The following MDFIC2 variants were observed in gnomAD, a reference collection of about 807,000 sequenced individuals.
The protein encoded by MDFIC2 is myoD family inhibitor domain-containing protein 2.
At chr3:70,217,504 G>T (rs1701426669) in intron 2 of MDFIC2, among the ~76,000 whole-genome samples, 1 of 152,092 alleles carries the variant, frequency 6.6e-6, no homozygotes, top group Admixed American at 6.6e-5. Flanking sequence ...TCTATGCTCT[G>T]AGCTTTCTAG....
At chr3:70,235,635 T>C (rs1220601722) in intron 2 of MDFIC2, among the ~76,000 whole-genome samples, 1 of 152,142 alleles carries the variant, frequency 6.6e-6, no homozygotes, top group Non-Finnish European at 1.5e-5. Flanking sequence ...CTTTTAGAGG[T>C]TTCTCTATGA....
At chr3:70,287,927 C>A (rs1407187053) in intron 2 of MDFIC2, among the ~76,000 whole-genome samples, 1 of 152,014 alleles carries the variant, frequency 6.6e-6, no homozygotes, top group East Asian at 1.9e-4. Context: ...TTTTTTATTG[C>A]GTCTATTTGA....
intron 2 of MDFIC2, among the ~76,000 whole-genome samples, chr3:70,287,959 A>G (rs1227765100): frequency 6.6e-6 from 1 of 151,250 alleles, no homozygotes; most frequent in Admixed American, 6.6e-5. Flanking sequence ...TTTTTTCTTT[A>G]TTAGTCTTGC....
At chr3:70,240,597 C>G (rs1425488127) in intron 2 of MDFIC2, among the ~76,000 whole-genome samples, 1 of 152,062 alleles carries the variant, frequency 6.6e-6, no homozygotes, top group Admixed American at 6.6e-5. Context: ...AATAATAGCT[C>G]TAAGAAAGTG....
intron 2 of MDFIC2, among the ~76,000 whole-genome samples, chr3:70,284,709 C>A (rs995521288): frequency 6.6e-6 from 1 of 152,060 alleles, no homozygotes; most frequent in Non-Finnish European, 1.5e-5. Flanking sequence ...AACACATGGC[C>A]ACAGGGAGGG....
At chr3:70,290,877 T>C (rs540845193) in intron 2 of MDFIC2, among the ~76,000 whole-genome samples, 131 of 152,310 alleles carry the variant, frequency 8.6e-4, no homozygotes, top group African/African-American at 3.1e-3. Flanking sequence ...CGCTGACCCC[T>C]TGCGCTTCCC....
intron 2 of MDFIC2, among the ~76,000 whole-genome samples, chr3:70,275,609 C>T (rs78574049): frequency 6.6e-6 from 1 of 152,190 alleles, no homozygotes; most frequent in Admixed American, 6.5e-5. Flanking sequence ...CCTTGCCACT[C>T]ATTAGCTCTG....
At position 70,202,907 on chromosome 3, in the gene MDFIC2, G is replaced by A. The variant is rs1391757308; in HGVS notation, c.310+3662C>T. On this transcript the variant is annotated intron_variant, in intron 3 of 3. Transcript: ENST00000567252. ...AGAGTGGAAAAGGTGGCAATCCAAG[G>A]AGGTTCCACAAGTGTGTTTGAGGGG... Among the ~76,000 whole-genome samples the A allele has an allele frequency of 1.3e-5, 2 of 152,100 alleles. 1 individual carries two copies. The highest frequency in any genetic ancestry group is 1.3e-4 in the Admixed American group (2 of 15,276).
At chr3:70,223,890 C>T (rs1271545469) in intron 2 of MDFIC2, among the ~76,000 whole-genome samples, 1 of 152,110 alleles carries the variant, frequency 6.6e-6, no homozygotes, top group African/African-American at 2.4e-5. Context: ...CTTTCTCTTA[C>T]TCTGCTTCAT....
chr3:70,264,941 T>A (rs1216622947), intron 2 of MDFIC2, among the ~76,000 whole-genome samples: 1 of 152,136 alleles, frequency 6.6e-6, no homozygotes, highest in Non-Finnish European at 1.5e-5. Context: ...TGCCTCACAA[T>A]CATGGTGGAA....
At chr3:70,290,153 C>A (rs1702217614) in intron 2 of MDFIC2, among the ~76,000 whole-genome samples, 1 of 151,960 alleles carries the variant, frequency 6.6e-6, no homozygotes. Flanking sequence ...TTAGAGTTTC[C>A]AGTTTTTCTG....
intron 2 of MDFIC2, among the ~76,000 whole-genome samples, chr3:70,310,444 C>A (rs777167522): frequency 6.6e-6 from 1 of 151,864 alleles, no homozygotes; most frequent in Non-Finnish European, 1.5e-5. Flanking sequence ...CGGCTCACTG[C>A]AACCTCTGCC....
intron 2 of MDFIC2, among the ~76,000 whole-genome samples, chr3:70,257,413 G>A (rs1701827537): frequency 6.6e-6 from 1 of 152,116 alleles, no homozygotes; most frequent in Non-Finnish European, 1.5e-5. Context: ...TTCATGGCAG[G>A]AGAGAATGTG....
At position 70,195,803 on chromosome 3, in the gene MDFIC2, C is replaced by T. The variant is rs1701170833; in HGVS notation, c.*1123G>A. On this transcript the variant is annotated 3_prime_UTR_variant, in exon 4 of 4. Coordinates refer to ENST00000567252, the MANE Select transcript of MDFIC2 (RefSeq NM_001364677.1). ...AATTGTTTCTACAGAAAGTAAAGAA[C>T]ATTCCAAAGTAACTTTAACCTAGAT... 6.6e-6 allele frequency among the ~76,000 whole-genome samples: 1 copy of T among 152,164 alleles called. No homozygotes were observed. The highest frequency in any genetic ancestry group is 1.5e-5 in the Non-Finnish European group (1 of 68,022).
chr3:70,220,356 A>G (rs757304694), intron 2 of MDFIC2, among the ~76,000 whole-genome samples: 2 of 152,074 alleles, frequency 1.3e-5, no homozygotes, highest in Non-Finnish European at 2.9e-5. Flanking sequence ...ACTTGGCTCC[A>G]GGAGTTTGAA....
chr3:70,270,537 A>G (rs1701966390), intron 2 of MDFIC2, among the ~76,000 whole-genome samples: 1 of 152,204 alleles, frequency 6.6e-6, no homozygotes, highest in Admixed American at 6.5e-5. Context: ...GTATGTATAT[A>G]CATGGCTGCT....
chr3:70,311,950 C>T lies in MDFIC2; in HGVS notation c.24G>A (p.Lys8=), dbSNP rs1349924364. The T allele has an allele frequency of 2.5e-6, 1 of 397,694 alleles. No homozygotes were observed. Among genetic ancestry groups the T allele is most frequent in the Non-Finnish European group, 4.4e-6 (1 of 225,616 alleles). The allele number at this position is 397,694 out of a possible 1,614,324, so 24.6% of individuals were successfully genotyped here. The change falls in exon 2 of 4, where the codon AAG becomes AAA. Residue 8 remains lysine, a synonymous_variant. Transcript: ENST00000567252. ...AATGCTCAGCTGTTCTTACTTTTAT[C>T]TTTTCCAGCTCAGTTTCTGACATCT... MSETELE[K]IKVRTAEHLE...
chr3:70,228,506 C>T (rs750662993), intron 2 of MDFIC2, among the ~76,000 whole-genome samples: 2 of 151,786 alleles, frequency 1.3e-5, no homozygotes, highest in Non-Finnish European at 2.9e-5. Flanking sequence ...GAGAAGGACC[C>T]CTGTTATAGT....
chr3:70,295,820 A>C (rs1193155804), intron 2 of MDFIC2, among the ~76,000 whole-genome samples: 1 of 152,184 alleles, frequency 6.6e-6, no homozygotes, highest in Non-Finnish European at 1.5e-5. Flanking sequence ...TTTTGGTGTA[A>C]TTATAATACC....
Sources: gnomAD v4.1 joint callset for allele counts (sites outside exome capture counted in the v4.1 genomes callset) on GRCh38, gnomAD v4.1.1 for gene constraint, MANE v1.5 for transcripts, NCBI Gene and HGNC (gene_info 2026-07-23, HGNC 2026-07-21) for gene names.